SMARCB1: variants seen among roughly 807,000 people sequenced by gnomAD.
The protein encoded by SMARCB1 is SWI/SNF related BAF chromatin remodeling complex subunit B1, also known as SWI/SNF-related matrix-associated actin-dependent regulator of chromatin subfamily B member 1.
Under a neutral mutation model 49.0 loss-of-function variants are expected in SMARCB1, and 5 were observed. The observed-to-expected ratio is 0.10, with a 90% CI of 0.05 to 0.21. The LOEUF is 0.21. SMARCB1 is among the 10% of genes least tolerant of loss of function. SMARCB1 has a pLI of 1.00. For synonymous variants in SMARCB1, 201 were observed against 200.1 expected (o/e 1.00, Z -0.04); for missense variants, 226 against 509.2 (o/e 0.44, Z 5.35).
chr22:23,837,171 G>T lies in SMARCB1; in HGVS notation c.*2991G>T. ...CCGCAATCCCTGTGAGACAGCCACG[G>T]ACTGTGGGGTCACCCTCCACAGCCC... is the stretch of plus-strand genomic sequence containing the variant. On this transcript the variant is annotated 3_prime_UTR_variant, in exon 9 of 9. Transcript: ENST00000644036. The T allele has an allele frequency of 6.2e-7, 1 of 1,613,332 alleles. No individual in the cohort carries two copies. The highest frequency in any genetic ancestry group is 8.5e-7 in the Non-Finnish European group (1 of 1,179,688).
chr22:23,794,581 C>A (rs1928622495), intron 3 of SMARCB1, among the ~76,000 whole-genome samples: 1 of 152,080 alleles, frequency 6.6e-6, no homozygotes, highest in African/African-American at 2.4e-5. Flanking sequence ...ACAAAAGAAA[C>A]AACAATAGAT....
chr22:23,812,126 T>A (rs1393591233), intron 5 of SMARCB1, among the ~76,000 whole-genome samples: 2 of 152,160 alleles, frequency 1.3e-5, no homozygotes, highest in African/African-American at 4.8e-5. Context: ...TGAGTTGCCC[T>A]ATAACTATTA....
Position 23,837,924 on chromosome 22 carries a change from C to T in SMARCB1, c.*3744C>T. The T allele has an allele frequency of 6.9e-7, 1 of 1,451,888 alleles. No individual in the cohort carries two copies. The allele number at this position is 1,451,888 out of a possible 1,614,324, so 89.9% of individuals were successfully genotyped here. The stretch of plus-strand genomic sequence containing the variant: ...CCAGGGCCCCTCTGACTTCCCAAGA[C>T]CCTGGAATTCTTCCCCTCATCTCCC... On this transcript the variant is annotated 3_prime_UTR_variant, in exon 9 of 9. Transcript: ENST00000644036.
chr22:23,803,219 CAGAG>C, intron 4 of SMARCB1, 72 bp from the exon 5 acceptor site: 3 of 1,592,982 alleles, frequency 1.9e-6, no homozygotes, highest in Non-Finnish European at 1.7e-6. Context: ...GCCTGCTGTG[CAGAG>C]AGAGAGGCTG....
chr22:23,816,672 C>T lies in SMARCB1; in HGVS notation c.629-98C>T, dbSNP rs35119104. The T allele has an allele frequency of 3.4e-3, 3,888 of 1,159,100 alleles. 14 individuals are homozygous for T. Among genetic ancestry groups the T allele is most frequent in the Non-Finnish European group, 4.4e-3 (3,401 of 776,186 alleles). The allele number at this position is 1,159,100 out of a possible 1,614,324, so 71.8% of individuals were successfully genotyped here. A position where few individuals can be genotyped will look rare whatever the true frequency, so the allele number is the denominator to read the frequency against. Reference sequence around the variant, plus strand: ...TGCCCTGGTTGTCCTCTCCTGCATCCGGAGATGTTTGGCTTCAAAGAAGAA... The same window carrying T: ...TGCCCTGGTTGTCCTCTCCTGCATCTGGAGATGTTTGGCTTCAAAGAAGAA... On this transcript the variant is annotated intron_variant, in intron 5 of 8. Coordinates refer to ENST00000644036, the MANE Select transcript of SMARCB1 (RefSeq NM_003073.5).
Position 23,835,121 on chromosome 22 carries a change from C to G in SMARCB1, c.*941C>G. 2 of 1,369,114 alleles carry G rather than the reference C, an allele frequency of 1.5e-6. No individual in the cohort carries two copies. The highest frequency in any genetic ancestry group is 1.9e-6 in the Non-Finnish European group (2 of 1,064,138). The allele number at this position is 1,369,114 out of a possible 1,614,324, so 84.8% of individuals were successfully genotyped here. Reference sequence around the variant, plus strand: ...GTGAGGAATATGGGAATAGCCCTCCCGGCCTGGTGCCAGCTCTTGGAGTTG... The same window carrying G: ...GTGAGGAATATGGGAATAGCCCTCCGGGCCTGGTGCCAGCTCTTGGAGTTG... On this transcript the variant is annotated 3_prime_UTR_variant, in exon 9 of 9. Coordinates refer to ENST00000644036, the MANE Select transcript of SMARCB1 (RefSeq NM_003073.5).
chr22:23,791,660 CCT>C, intron 1 of SMARCB1, 94 bp from the exon 2 acceptor site: 2 of 1,236,336 alleles, frequency 1.6e-6, no homozygotes, highest in South Asian at 1.2e-5. Context: ...CACCTCAAGG[CCT>C]GTTTGTCTGT....
intron 4 of SMARCB1, chr22:23,801,663 T>G: frequency 3.2e-6 from 1 of 315,672 alleles, no homozygotes; most frequent in Non-Finnish European, 6.2e-6. Flanking sequence ...TGTGGTCACG[T>G]GGCCTTCTCT....
intron 6 of SMARCB1, chr22:23,823,352 C>G (rs2030205073): frequency 6.6e-6 from 1 of 152,232 alleles, no homozygotes; most frequent in African/African-American, 2.4e-5. Context: ...GACCCAGCAC[C>G]CACGTGGTTT....
At chr22:23,815,219 CAG>C (rs893557198) in intron 5 of SMARCB1, 1 of 152,058 alleles carries the variant, frequency 6.6e-6, no homozygotes, top group Non-Finnish European at 1.5e-5. Flanking sequence ...CCCTAGAAAA[CAG>C]TGTGGCAATT....
chr22:23,828,877 G>A (rs1237897569), intron 7 of SMARCB1, among the ~76,000 whole-genome samples: 6 of 152,224 alleles, frequency 3.9e-5, no homozygotes, highest in Non-Finnish European at 8.8e-5. Flanking sequence ...GGGGAACCAG[G>A]GCAGAGAACA....
At chr22:23,815,044 T>C (rs1002728764) in intron 5 of SMARCB1, 1 of 151,492 alleles carries the variant, frequency 6.6e-6, no homozygotes, top group Non-Finnish European at 1.5e-5. Flanking sequence ...CAAATAAACA[T>C]TGAAAAGCTT....
chr22:23,804,661 A>G (rs1929382236), intron 5 of SMARCB1, among the ~76,000 whole-genome samples: 2 of 152,148 alleles, frequency 1.3e-5, no homozygotes, highest in South Asian at 4.1e-4. Context: ...CTCGTGCCTC[A>G]GCCTCCTGAG....
intron 6 of SMARCB1, chr22:23,823,120 C>T (rs1466167339): frequency 6.6e-6 from 1 of 152,060 alleles, no homozygotes; most frequent in African/African-American, 2.4e-5. Flanking sequence ...TTTCTCAGAA[C>T]AGCCTTTTGA....
At position 23,836,786 on chromosome 22, in the gene SMARCB1, G is replaced by A; in HGVS notation, c.*2606G>A. On this transcript the variant is annotated 3_prime_UTR_variant, in exon 9 of 9. Transcript: ENST00000644036. ...GCCCTTGCATGGGCCCAGCCTTTAGGATGGGTTTTTTCTGCCCCAAGTAGG... is the reference window on the plus strand; with the variant it reads ...GCCCTTGCATGGGCCCAGCCTTTAGAATGGGTTTTTTCTGCCCCAAGTAGG... 3.5e-6 allele frequency: 5 copies of A among 1,414,978 alleles called. No individual in the cohort carries two copies. In the South Asian group the frequency reaches 8.5e-5, roughly 24 times the overall value. The allele number at this position is 1,414,978 out of a possible 1,614,324, so 87.7% of individuals were successfully genotyped here. A position where few individuals can be genotyped will look rare whatever the true frequency, so the allele number is the denominator to read the frequency against.
intron 3 of SMARCB1, among the ~76,000 whole-genome samples, chr22:23,794,551 T>G (rs1928620558): frequency 6.6e-6 from 1 of 151,978 alleles, no homozygotes; most frequent in East Asian, 1.9e-4. Context: ...GTCAGAAAAA[T>G]CAGTGGCTCA....
intron 3 of SMARCB1, among the ~76,000 whole-genome samples, chr22:23,797,836 C>G (rs1288275712): frequency 6.6e-6 from 1 of 150,732 alleles, no homozygotes; most frequent in Non-Finnish European, 1.5e-5. Context: ...CCAGGCTGGT[C>G]TCGAACTCCT....
At chr22:23,789,660 A>G (rs990380529) in intron 1 of SMARCB1, among the ~76,000 whole-genome samples, 7 of 152,210 alleles carry the variant, frequency 4.6e-5, no homozygotes, top group African/African-American at 1.7e-4. Flanking sequence ...CCTCCCAGTA[A>G]GAATAATCTT....
intron 5 of SMARCB1, among the ~76,000 whole-genome samples, chr22:23,805,226 G>GA (rs1363186440): frequency 6.6e-6 from 1 of 152,176 alleles, no homozygotes; most frequent in African/African-American, 2.4e-5. Flanking sequence ...GGTGAGGGGG[G>GA]ACGCCAGTGG....
Sources: gnomAD v4.1 joint callset for allele counts (sites outside exome capture counted in the v4.1 genomes callset) on GRCh38, gnomAD v4.1.1 for gene constraint, MANE v1.5 for transcripts, NCBI Gene and HGNC (gene_info 2026-07-23, HGNC 2026-07-21) for gene names.